Variants in PVT1 observed in about 807,000 individuals in gnomAD.
The protein encoded by PVT1 is Pvt1 oncogene.
intron 3 of PVT1, among the ~76,000 whole-genome samples, chr8:127,908,240 G>A (rs1002481071): frequency 2.6e-5 from 4 of 152,096 alleles, no homozygotes; most frequent in East Asian, 1.9e-4. Context: ...GTATTTTCAC[G>A]TTGGTCGGCC....
chr8:128,046,385 C>G (rs780234053), intron 4 of PVT1, among the ~76,000 whole-genome samples: 6 of 152,202 alleles, frequency 3.9e-5, no homozygotes, highest in Non-Finnish European at 5.9e-5. Flanking sequence ...ACTTGTTCAA[C>G]CTGGGAATGG....
intron 3 of PVT1, among the ~76,000 whole-genome samples, chr8:127,902,551 A>G (rs1815771801): frequency 6.6e-6 from 1 of 151,710 alleles, no homozygotes; most frequent in Non-Finnish European, 1.5e-5. Flanking sequence ...TACTGAGCAT[A>G]GTATCCAGTA....
intron 4 of PVT1, among the ~76,000 whole-genome samples, chr8:128,029,585 A>G (rs146061874): frequency 2.2e-4 from 33 of 152,112 alleles, no homozygotes; most frequent in Non-Finnish European, 4.1e-4. Context: ...GTGGATCATG[A>G]GGTTAGGAGT....
At chr8:127,867,142 G>C (rs764400561) in intron 2 of PVT1, among the ~76,000 whole-genome samples, 1 of 152,230 alleles carries the variant, frequency 6.6e-6, no homozygotes, top group East Asian at 1.9e-4. Flanking sequence ...GGCCTTCCTC[G>C]GGCTTGCTTG....
At chr8:128,021,827 G>C (rs1369470021) in intron 4 of PVT1, among the ~76,000 whole-genome samples, 1 of 152,148 alleles carries the variant, frequency 6.6e-6, no homozygotes, top group Non-Finnish European at 1.5e-5. Context: ...CTTCATTCTT[G>C]ATTAGCGTCT....
chr8:127,949,429 G>GTGTGTGTA (rs748618037), intron 3 of PVT1, among the ~76,000 whole-genome samples: 1 of 148,254 alleles, frequency 6.7e-6, no homozygotes. Context: ...GTGTGTATCT[G>GTGTGTGTA]TCTGTCTCCC....
chr8:127,858,198 C>T (rs376029157), intron 2 of PVT1, among the ~76,000 whole-genome samples: 3 of 152,188 alleles, frequency 2.0e-5, no homozygotes, highest in Admixed American at 6.5e-5. Context: ...TAAGACCAGC[C>T]GGTCCAACAT....
chr8:128,061,352 A>G (rs1373433907), intron 4 of PVT1, among the ~76,000 whole-genome samples: 3 of 152,320 alleles, frequency 2.0e-5, no homozygotes, highest in African/African-American at 4.8e-5. Flanking sequence ...TGCCCAAAGT[A>G]TATTCCATTG....
At chr8:128,030,389 C>G (rs1250544896) in intron 4 of PVT1, among the ~76,000 whole-genome samples, 1 of 152,050 alleles carries the variant, frequency 6.6e-6, no homozygotes, top group Non-Finnish European at 1.5e-5. Context: ...GGTTTTGTAA[C>G]CAGCTTTTGT....
chr8:127,834,395 C>T (rs1051540943), intron 2 of PVT1, among the ~76,000 whole-genome samples: 1 of 152,102 alleles, frequency 6.6e-6, no homozygotes, highest in Non-Finnish European at 1.5e-5. Flanking sequence ...GGACCCCTTC[C>T]TTATACCTTA....
In PVT1 at chr8:127,878,978, G is replaced by A. The variant is rs527996466; in HGVS notation, n.373-11611G>A. On this transcript the variant is annotated intron_variant and non_coding_transcript_variant, in intron 2 of 10. Transcript: ENST00000651587. ...CATTATCTACTCTGACAGGGAGCCA[G>A]TCTGGAGAAGGATGTCATGGATGAC... 7.9e-5 allele frequency among the ~76,000 whole-genome samples: 12 copies of A among 152,364 alleles called. No individual in the cohort carries two copies. In the South Asian group the frequency reaches 1.9e-3, roughly 24 times the overall value.
intron 4 of PVT1, among the ~76,000 whole-genome samples, chr8:128,016,767 C>A (rs1199475917): frequency 3.3e-5 from 5 of 152,220 alleles, no homozygotes; most frequent in Admixed American, 6.5e-5. Flanking sequence ...ACATGGTTAT[C>A]CTGGCCAGAA....
intron 2 of PVT1, among the ~76,000 whole-genome samples, chr8:127,809,911 G>C (rs543975027): frequency 2.5e-4 from 38 of 152,326 alleles, no homozygotes; most frequent in African/African-American, 9.1e-4. Context: ...GTGGTACATT[G>C]CTTTTCACAA....
At chr8:127,853,299 T>C (rs1306353542) in intron 2 of PVT1, among the ~76,000 whole-genome samples, 27 of 151,914 alleles carry the variant, frequency 1.8e-4, no homozygotes. Flanking sequence ...AGAGAAGAAA[T>C]GGAATGGGCT....
At chr8:128,033,086 C>T (rs1813413264) in intron 4 of PVT1, among the ~76,000 whole-genome samples, 1 of 152,180 alleles carries the variant, frequency 6.6e-6, no homozygotes, top group African/African-American at 2.4e-5. Context: ...TCAACTGTCC[C>T]TCAGGCTTCT....
chr8:128,078,512 C>G (rs1269645370), intron 5 of PVT1, among the ~76,000 whole-genome samples: 1 of 152,178 alleles, frequency 6.6e-6, no homozygotes, highest in Non-Finnish European at 1.5e-5. Flanking sequence ...GTACTAAGAA[C>G]AGTGGCTTCC....
intron 3 of PVT1, among the ~76,000 whole-genome samples, chr8:127,920,675 TA>T (rs1816046059): frequency 1.3e-5 from 2 of 152,232 alleles, no homozygotes; most frequent in African/African-American, 4.8e-5. Flanking sequence ...AAGTACGACA[TA>T]AACTAATGAA....
At chr8:127,873,847 T>C (rs1815377600) in intron 2 of PVT1, among the ~76,000 whole-genome samples, 1 of 152,216 alleles carries the variant, frequency 6.6e-6, no homozygotes, top group African/African-American at 2.4e-5. Flanking sequence ...TGCCATCTCT[T>C]CATTAAAAAT....
intron 2 of PVT1, among the ~76,000 whole-genome samples, chr8:127,883,940 G>A (rs1815497541): frequency 6.6e-6 from 1 of 152,230 alleles, no homozygotes; most frequent in Non-Finnish European, 1.5e-5. Context: ...TTGAAGGGGT[G>A]TTCTGATGTC....
Sources: gnomAD v4.1 joint callset for allele counts (sites outside exome capture counted in the v4.1 genomes callset) on GRCh38, gnomAD v4.1.1 for gene constraint, MANE v1.5 for transcripts, NCBI Gene and HGNC (gene_info 2026-07-23, HGNC 2026-07-21) for gene names.